The following PLEKHG2 variants were observed in gnomAD, a reference collection of about 807,000 sequenced individuals.
The protein encoded by PLEKHG2 is pleckstrin homology domain-containing family G member 2.
Under a neutral mutation model 104.4 loss-of-function variants are expected in PLEKHG2, and 71 were observed. The ratio of observed to expected loss-of-function variants is 0.68; its 90% CI spans 0.56 to 0.83. The LOEUF (loss-of-function observed/expected upper bound fraction) is 0.83. Ranked by LOEUF, PLEKHG2 falls within the 40% of genes least tolerant of loss-of-function variation. The probability of loss-of-function intolerance (pLI) is 0.00; values close to 1 mark genes in which losing one functional copy is unlikely to be tolerated. For missense variants in PLEKHG2, 1,730 were observed against 1,809.4 expected, an observed-to-expected ratio of 0.96 and a Z score of 0.80; for synonymous variants, 728 against 737.0, an observed-to-expected ratio of 0.99 and a Z score of 0.20.
chr19:39,419,114 G>C (rs2078656915), intron 11 of PLEKHG2, 111 bp downstream of exon 11: 1 of 983,858 alleles, frequency 1.0e-6, no homozygotes, highest in Admixed American at 3.0e-5. Context: ...TAATGTGATT[G>C]CTAAAAGTGC....
chr19:39,414,241 C>G (rs762002310), intron 2 of PLEKHG2, 46 bp downstream of exon 2: 5 of 1,520,618 alleles, frequency 3.3e-6, no homozygotes, highest in Admixed American at 3.9e-5. Flanking sequence ...GCTTTTATTC[C>G]TTGGCAATGC....
intron 8 of PLEKHG2, 31 bp from the exon 9 acceptor site, chr19:39,417,874 C>T (rs754989458): frequency 1.7e-4 from 253 of 1,522,728 alleles, no homozygotes; most frequent in Middle Eastern, 4.3e-4. Flanking sequence ...CTTGTCTCTG[C>T]GCCCCGGCGC....
chr19:39,417,461 T>A, intron 7 of PLEKHG2, 94 bp from the exon 8 acceptor site: 2 of 1,483,160 alleles, frequency 1.3e-6, no homozygotes, highest in Non-Finnish European at 9.0e-7. Flanking sequence ...CCTCTGCCCC[T>A]ATCTTTATAT....
In PLEKHG2 at chr19:39,416,304, G is replaced by C. The variant is rs370210117; in HGVS notation, c.480-44G>C. 1 of 1,604,330 alleles carries C rather than the reference G, an allele frequency of 6.2e-7. No individual in the cohort carries two copies. Among genetic ancestry groups the C allele is most frequent in the East Asian group, 2.2e-5 (1 of 44,834 alleles). ...CCTCCTGGAGGCCTCCCATGGAGGG[G>C]TCGTGAAGGCAGGCGGTTCCTCACC... On this transcript the variant is annotated intron_variant, in intron 4 of 18. Coordinates refer to ENST00000425673, the MANE Select transcript of PLEKHG2 (RefSeq NM_022835.3). This position sits in a 1 kb window ranked among gnomAD's most constrained non-coding sequence, Gnocchi z 4.5.
At position 39,418,692 on chromosome 19, in the gene PLEKHG2, G is replaced by A. The variant is rs186343481; in HGVS notation, c.1084-42G>A. ...GTCTCCGTACAAGGGGCATCACTGA[G>A]CCCAAGGACTCTGAGCTTGCTACCC... is the stretch of plus-strand genomic sequence containing the variant. On this transcript the variant is annotated intron_variant, in intron 9 of 18. Coordinates refer to ENST00000425673, the MANE Select transcript of PLEKHG2 (RefSeq NM_022835.3). 1.7e-4 allele frequency: 261 copies of A among 1,532,588 alleles called. 1 individual carries two copies. The African/African-American group carries it at 3.1e-3, about 18-fold the overall frequency. The allele number at this position is 1,532,588 out of a possible 1,614,324, so 94.9% of individuals were successfully genotyped here.
At chr19:39,418,141 C>G in intron 9 of PLEKHG2, 36 bp downstream of exon 9, 1 of 1,453,132 alleles carries the variant, frequency 6.9e-7, no homozygotes. Context: ...AGAATACTAC[C>G]TACAAAGTAT....
rs759251794 is a variant in PLEKHG2 at position 39,415,461 on chromosome 19, C to T, written c.479+22C>T. Reference sequence around the variant, plus strand: ...GCAGGTCAGGGGCAGGGGGGACAGGCAGGGGGCATTGATTGGTTGGAGGGT... The same window carrying T: ...GCAGGTCAGGGGCAGGGGGGACAGGTAGGGGGCATTGATTGGTTGGAGGGT... On this transcript the variant is annotated intron_variant, in intron 4 of 18. Coordinates refer to ENST00000425673, the MANE Select transcript of PLEKHG2 (RefSeq NM_022835.3). The surrounding 1 kb of genome is among the most constrained non-coding windows in gnomAD (Gnocchi z 4.6). 6.2e-7 allele frequency: 1 copy of T among 1,612,078 alleles called. No individual in the cohort carries two copies. Among genetic ancestry groups the T allele is most frequent in the Non-Finnish European group, 8.5e-7 (1 of 1,178,820 alleles).
rs1475049336 is a variant in PLEKHG2 at position 39,426,139 on chromosome 19, ACTCTCCGGGGT to A, written c.*848_*858del. On this transcript the variant is annotated 3_prime_UTR_variant, in exon 19 of 19. Transcript: ENST00000425673. Reference sequence around the variant, plus strand: ...ACATACCCCATCCCTCCCTCACTGGACTCTCCGGGGTCTTAGTACTATGATACTTCAGAGAC... The same window carrying A: ...ACATACCCCATCCCTCCCTCACTGGACTTAGTACTATGATACTTCAGAGAC... 1 of 151,914 alleles carries A rather than the reference ACTCTCCGGGGT, an allele frequency of 6.6e-6. No individual in the cohort carries two copies. Among genetic ancestry groups the A allele is most frequent in the Non-Finnish European group, 1.5e-5 (1 of 68,016 alleles). The allele number at this position is 151,914 out of a possible 1,614,324, so 9.4% of individuals were successfully genotyped here.
In PLEKHG2 at chr19:39,425,058, T is replaced by C; in HGVS notation, c.3925T>C (p.Ser1309Pro). The C allele has an allele frequency of 1.3e-6, 2 of 1,597,132 alleles. No individual in the cohort carries two copies. Among genetic ancestry groups the C allele is most frequent in the Non-Finnish European group, 1.7e-6 (2 of 1,172,454 alleles). Residue 1309 changes from serine (S) to proline (P), a missense_variant, in exon 19 of 19, where the codon TCC becomes CCC. Physicochemically the swap from Ser to Pro is moderately conservative, Grantham distance 74. Transcript: ENST00000425673. ...CCCCGCAGCCTCCCGGGGCTCCTGG[T>C]CCTCTGCTCCCACGTCACGGGCATC... is the stretch of plus-strand genomic sequence containing the variant. ...GAPAASRGSW[S>P]SAPTSRASSP... is the part of the protein sequence containing the mutation.
rs2078599306 is a variant in PLEKHG2 at position 39,416,148 on chromosome 19, A to G, written c.480-200A>G. ...CAAGCTGAGGAATGAGAAGCTGTCC[A>G]GGGACAAAGTCTAAGCAGGTTACCA... On this transcript the variant is annotated intron_variant, in intron 4 of 18. Coordinates refer to ENST00000425673, the MANE Select transcript of PLEKHG2 (RefSeq NM_022835.3). This position sits in a 1 kb window ranked among gnomAD's most constrained non-coding sequence, Gnocchi z 4.5. Among the ~76,000 whole-genome samples, 1 of 152,146 alleles carries G rather than the reference A, an allele frequency of 6.6e-6. No individual in the cohort carries two copies.
rs1275103511 is a variant in PLEKHG2 at position 39,417,103 on chromosome 19, C to T, written c.744+103C>T. On this transcript the variant is annotated intron_variant, in intron 7 of 18. Coordinates refer to ENST00000425673, the MANE Select transcript of PLEKHG2 (RefSeq NM_022835.3). ...TGGACCCCCCACGAGTTGGGCAAGG[C>T]CTCCCAAAGTGCTGGGATTACAGGC... 6 of 1,348,180 alleles carry T rather than the reference C, an allele frequency of 4.5e-6. No individual in the cohort carries two copies. In the South Asian group the frequency reaches 8.8e-5, roughly 20 times the overall value. The allele number at this position is 1,348,180 out of a possible 1,614,324, so 83.5% of individuals were successfully genotyped here.
At position 39,426,846 on chromosome 19, in the gene PLEKHG2, T is replaced by G; in HGVS notation, c.*1552T>G. 1 of 23,816 alleles carries G rather than the reference T, an allele frequency of 4.2e-5. No individual in the cohort carries two copies. The highest frequency in any genetic ancestry group is 6.8e-5 in the Non-Finnish European group (1 of 14,618). 1.5% of individuals were successfully genotyped at this position (23,816 alleles called of 1,614,324 possible). ...GGGAAGGAGGAGCTTGGGAATCTGA[T>G]TTTTTTTTTTTTTTTTAGATAAAGT... On this transcript the variant is annotated 3_prime_UTR_variant, in exon 19 of 19. Transcript: ENST00000425673.
At position 39,416,859 on chromosome 19, in the gene PLEKHG2, C is replaced by G; in HGVS notation, c.603C>G (p.Ala201=). 1 of 1,606,114 alleles carries G rather than the reference C, an allele frequency of 6.2e-7. No homozygotes were observed. The highest frequency in any genetic ancestry group is 8.5e-7 in the Non-Finnish European group (1 of 1,176,598). The stretch of plus-strand genomic sequence containing the variant: ...TGTGCTGTGCCCCCAGCTCCCTGGC[C>G]CTGCTCCGGGAGCTGTCGTTGTCTC... ...LYCMNYPSSL[A]LLRELSLSPP... is the part of the protein sequence containing the mutation. The change falls in exon 7 of 19, where the codon GCC becomes GCG. Residue 201 remains alanine, a synonymous_variant. Transcript: ENST00000425673. The surrounding 1 kb of genome is among the most constrained non-coding windows in gnomAD (Gnocchi z 4.5).
In PLEKHG2 at chr19:39,423,648, AG is replaced by A; in HGVS notation, c.2595del (p.Glu865AspfsTer20). ...PSPCLPQEQA[E>X]PGLLPAFGHV... ...CCCTGTCTGCCCCAGGAGCAGGCAGAGCCAGGTGAGGTCCGGGTACGTGGTT... is the reference window on the plus strand; with the variant it reads ...CCCTGTCTGCCCCAGGAGCAGGCAGACCAGGTGAGGTCCGGGTACGTGGTT... On this transcript the variant is annotated frameshift_variant, in exon 18 of 19. Transcript: ENST00000425673. LOFTEE classifies it low-confidence loss of function (END_TRUNC). 6.5e-7 allele frequency: 1 copy of A among 1,542,468 alleles called. No homozygotes were observed. Among genetic ancestry groups the A allele is most frequent in the Non-Finnish European group, 8.7e-7 (1 of 1,144,852 alleles).
Position 39,424,729 on chromosome 19 carries a change from A to C in PLEKHG2, c.3596A>C (p.Glu1199Ala). Reference protein sequence around the residue: ...TQVQKLTPSLEQKSLIDAHVP... With the variant: ...TQVQKLTPSLAQKSLIDAHVP... ...GTCCAAAAACTCACACCTTCGTTGG[A>C]GCAGAAGAGCCTCATAGATGCCCAT... The change falls in exon 19 of 19, where the codon GAG (glutamate) becomes GCG (alanine). Residue 1199 changes from glutamate to alanine, a missense_variant. By Grantham distance (107) the Glu-to-Ala change is moderately radical. Transcript: ENST00000425673. 1 of 1,614,130 alleles carries C rather than the reference A, an allele frequency of 6.2e-7. No individual in the cohort carries two copies. The highest frequency in any genetic ancestry group is 8.5e-7 in the Non-Finnish European group (1 of 1,180,012).
Position 39,425,437 on chromosome 19 carries a change from G to GCAAAGCATC in PLEKHG2, c.*144_*145insAAAGCATCC. The GCAAAGCATC allele has an allele frequency of 7.6e-7, 1 of 1,323,050 alleles. No homozygotes were observed. Among genetic ancestry groups the GCAAAGCATC allele is most frequent in the Non-Finnish European group, 1.0e-6 (1 of 1,004,650 alleles). The allele number at this position is 1,323,050 out of a possible 1,614,324, so 82.0% of individuals were successfully genotyped here. ...CTCCTGGTATCTGCATCGGCGAATGGCCCTTCTTGCCTTGATCCACAGGGA... is the reference window on the plus strand; with the variant it reads ...CTCCTGGTATCTGCATCGGCGAATGGCAAAGCATCCCCTTCTTGCCTTGATCCACAGGGA... On this transcript the variant is annotated 3_prime_UTR_variant, in exon 19 of 19. Transcript: ENST00000425673.
Position 39,416,793 on chromosome 19 carries a change from CT to C in PLEKHG2, c.594-56del. On this transcript the variant is annotated intron_variant, in intron 6 of 18. Coordinates refer to ENST00000425673, the MANE Select transcript of PLEKHG2 (RefSeq NM_022835.3). This position sits in a 1 kb window ranked among gnomAD's most constrained non-coding sequence, Gnocchi z 4.5. ...CCAAACCCTGGCCCCTCCCTAACCC[CT>C]CTTGACCCCGCCCACTGGAACTGAC... 3 of 1,549,152 alleles carry C rather than the reference CT, an allele frequency of 1.9e-6. No homozygotes were observed. The highest frequency in any genetic ancestry group is 2.6e-6 in the Non-Finnish European group (3 of 1,149,226).
Position 39,422,268 on chromosome 19 carries a change from C to T in PLEKHG2, c.1657C>T (p.Arg553Ter), listed in dbSNP as rs747119556. 6 of 1,611,962 alleles carry T rather than the reference C, an allele frequency of 3.7e-6. No homozygotes were observed. Among genetic ancestry groups the T allele is most frequent in the East Asian group, 2.2e-5 (1 of 44,768 alleles). The stretch of plus-strand genomic sequence containing the variant: ...AGAAATCCTGGAACTGCTGAATCAG[C>T]GAGGCCTTCGAGATCCAGGGGTGAG... ...TEEILELLNQRGLRDPGPSTH... is the reference protein window; with the variant it reads ...TEEILELLNQ The change falls in exon 17 of 19, where the codon CGA becomes TGA. Residue 553 changes from arginine (R) to a stop codon, truncating the protein, a stop_gained. Transcript: ENST00000425673. LOFTEE classifies it high-confidence loss of function.
Position 39,414,163 on chromosome 19 carries a change from G to A in PLEKHG2, c.77G>A (p.Cys26Tyr). ...SLGCGRRGEV[C>Y]DCGTVCETRT... is the part of the protein sequence containing the mutation. ...GGGTGTGGCCGAAGAGGTGAAGTGT[G>A]TGACTGTGGCACCGTGTGTGAGACT... The change falls in exon 2 of 19, where the codon TGT (cysteine) becomes TAT (tyrosine). Residue 26 changes from cysteine (C) to tyrosine (Y), a missense_variant. Physicochemically the swap from Cys to Tyr is radical, Grantham distance 194 (BLOSUM62 -2). Coordinates refer to ENST00000425673, the MANE Select transcript of PLEKHG2 (RefSeq NM_022835.3). 1 of 1,551,474 alleles carries A rather than the reference G, an allele frequency of 6.4e-7. No homozygotes were observed. Among genetic ancestry groups the A allele is most frequent in the Non-Finnish European group, 8.7e-7 (1 of 1,146,824 alleles).
Sources: gnomAD v4.1 joint callset for allele counts (sites outside exome capture counted in the v4.1 genomes callset) on GRCh38, gnomAD v4.1.1 for gene constraint, Gnocchi (gnomAD v3.1) non-coding constraint, MANE v1.5 for transcripts, NCBI Gene and HGNC (gene_info 2026-07-23, HGNC 2026-07-21) for gene names.